The following ACSM3 variants were observed in gnomAD, a reference collection of about 807,000 sequenced individuals.
The protein encoded by ACSM3 is acyl-CoA synthetase medium chain family member 3.
Under a neutral mutation model 74.1 loss-of-function variants are expected in ACSM3, and 61 were observed. The ratio of observed to expected loss-of-function variants is 0.82; its 90% confidence interval spans 0.67 to 1.02. ACSM3 has a LOEUF of 1.02. Among genes scored for constraint, ACSM3 ranks in the 50% least tolerant of loss-of-function variants. ACSM3 has a pLI of 0.00. For missense variants in ACSM3, 660 were observed against 697.0 expected (o/e 0.95, Z 0.60); for synonymous variants, 213 against 241.5 (o/e 0.88, Z 1.09).
intron 1 of ACSM3, chr16:20,698,747 G>C (rs2079703773): frequency 6.6e-6 from 1 of 152,148 alleles, no homozygotes; most frequent in African/African-American, 2.4e-5. Flanking sequence ...GACCTCAGGT[G>C]ATCTGCCCGC....
intron 1 of ACSM3, chr16:20,741,716 A>G (rs1312564322): frequency 6.3e-7 from 1 of 1,576,746 alleles, no homozygotes; most frequent in East Asian, 2.3e-5. Flanking sequence ...CAGGCTGAGT[A>G]GTCTGCTGGG....
intron 1 of ACSM3, among the ~76,000 whole-genome samples, chr16:20,715,319 G>A (rs935715838): frequency 2.0e-5 from 3 of 152,146 alleles, no homozygotes; most frequent in African/African-American, 7.2e-5. Flanking sequence ...AATCTTCACT[G>A]TTCGACAGTC....
intron 1 of ACSM3, chr16:20,680,868 TA>T (rs1351553186): frequency 6.6e-6 from 1 of 152,238 alleles, no homozygotes; most frequent in African/African-American, 2.4e-5. Flanking sequence ...AACTGCCAGC[TA>T]AATGGACAGG....
At chr16:20,732,658 A>G (rs878869359) in intron 1 of ACSM3, among the ~76,000 whole-genome samples, 12 of 152,146 alleles carry the variant, frequency 7.9e-5, no homozygotes, top group Admixed American at 2.6e-4. Context: ...AATGGGGTAA[A>G]GGGATTATTA....
intron 1 of ACSM3, chr16:20,733,548 C>A (rs987814182): frequency 6.6e-6 from 1 of 151,752 alleles, no homozygotes; most frequent in Non-Finnish European, 1.5e-5. Flanking sequence ...GTTTTTTAGG[C>A]TCATGTCCAT....
chr16:20,697,457 C>T (rs1003205530), intron 1 of ACSM3, among the ~76,000 whole-genome samples: 1 of 151,910 alleles, frequency 6.6e-6, no homozygotes, highest in African/African-American at 2.4e-5. Context: ...CCAATATCAC[C>T]ATTGTCATTT....
intron 2 of ACSM3, among the ~76,000 whole-genome samples, chr16:20,771,371 CTTTTTT>C (rs57406215): frequency 1.2e-5 from 1 of 85,250 alleles, no homozygotes; most frequent in Admixed American, 1.4e-4. Flanking sequence ...GGCCGAGCTC[CTTTTTT>C]TTTTTTTTTT....
At chr16:20,789,570 T>G in intron 9 of ACSM3, 1 of 1,561,480 alleles carries the variant, frequency 6.4e-7, no homozygotes, top group Non-Finnish European at 8.8e-7. Flanking sequence ...AAACAAAGTT[T>G]GAAAACCAGT....
Position 20,785,018 on chromosome 16 carries a change from G to A in ACSM3, c.1054G>A (p.Ala352Thr). 1 of 1,613,668 alleles carries A rather than the reference G, an allele frequency of 6.2e-7. No homozygotes were observed. Among genetic ancestry groups the A allele is most frequent in the East Asian group, 2.2e-5 (1 of 44,850 alleles). The change falls in exon 8 of 14, where the codon GCT (alanine) becomes ACT (threonine). Residue 352 changes from alanine to threonine, a missense_variant. Physicochemically the swap from Ala to Thr is moderately conservative, Grantham distance 58 (BLOSUM62 0). Transcript: ENST00000289416. ...KFKSLKHCVSAGEPITPDVTE... is the reference protein window; with the variant it reads ...KFKSLKHCVSTGEPITPDVTE... ...TAAAAGCTTAAAGCACTGTGTGAGT[G>A]CTGGGGAACCAATTACCCCTGACGT... is the stretch of plus-strand genomic sequence containing the variant.
intron 1 of ACSM3, among the ~76,000 whole-genome samples, chr16:20,744,585 A>G (rs1194882333): frequency 6.6e-6 from 1 of 152,292 alleles, no homozygotes; most frequent in Admixed American, 6.5e-5. Context: ...GGGTTTCACC[A>G]TGTTGGCCAG....
intron 1 of ACSM3, among the ~76,000 whole-genome samples, chr16:20,695,045 A>C (rs2079682213): frequency 6.6e-6 from 1 of 152,210 alleles, no homozygotes. Context: ...CTAGCAAACC[A>C]ATGTACTCCT....
At chr16:20,718,304 C>A in intron 1 of ACSM3, 1 of 537,432 alleles carries the variant, frequency 1.9e-6, no homozygotes, top group Non-Finnish European at 2.8e-6. Flanking sequence ...CAGAGTTAAA[C>A]TGGCCATCTT....
chr16:20,739,056 G>A (rs1161776294), intron 1 of ACSM3: 1 of 1,614,134 alleles, frequency 6.2e-7, no homozygotes, highest in Non-Finnish European at 8.5e-7. Context: ...GAGGGCTGCT[G>A]ATCCTTGTCT....
chr16:20,694,163 G>C (rs2079677618), intron 1 of ACSM3, among the ~76,000 whole-genome samples: 1 of 152,016 alleles, frequency 6.6e-6, no homozygotes, highest in Admixed American at 6.6e-5. Flanking sequence ...CTCTACCTTT[G>C]CCTCTTTAAA....
At chr16:20,724,587 A>G (rs2079798134) in intron 1 of ACSM3, among the ~76,000 whole-genome samples, 1 of 152,324 alleles carries the variant, frequency 6.6e-6, no homozygotes, top group Middle Eastern at 3.4e-3. Context: ...AAGAAGTCAA[A>G]TTGTCCCTGT....
chr16:20,748,338 TATAGATGAAC>T (rs2079967176), intron 1 of ACSM3, among the ~76,000 whole-genome samples: 1 of 152,118 alleles, frequency 6.6e-6, no homozygotes, highest in Non-Finnish European at 1.5e-5. Flanking sequence ...GCATTCAATG[TATAGATGAAC>T]AAAGACAAAT....
intron 1 of ACSM3, chr16:20,685,260 G>T: frequency 1.2e-6 from 2 of 1,614,190 alleles, no homozygotes; most frequent in Non-Finnish European, 1.7e-6. Context: ...AGGCCAGATG[G>T]TCTCCCTGTT....
intron 1 of ACSM3, among the ~76,000 whole-genome samples, chr16:20,727,058 T>C (rs2079809077): frequency 6.6e-6 from 1 of 152,226 alleles, no homozygotes; most frequent in Non-Finnish European, 1.5e-5. Context: ...CTTAGTATCA[T>C]TAATAGCATT....
chr16:20,753,450 C>T (rs1218596561), intron 2 of ACSM3, among the ~76,000 whole-genome samples: 2 of 114,160 alleles, frequency 1.8e-5, no homozygotes, highest in East Asian at 2.2e-4. Context: ...GGTGACAGAA[C>T]GAGACTGTCT....
Sources: allele counts gnomAD v4.1 joint callset (sites outside exome capture counted in the v4.1 genomes callset), GRCh38; gene constraint gnomAD v4.1.1; transcripts MANE v1.5; gene names NCBI Gene and HGNC (gene_info 2026-07-23, HGNC 2026-07-21).